Variants in LRRC69 observed in about 807,000 individuals in gnomAD.
The protein encoded by LRRC69 is leucine rich repeat containing 69, also known as leucine-rich repeat-containing protein 69.
Under a neutral mutation model 37.8 loss-of-function variants are expected in LRRC69, and 42 were observed. That is an observed-to-expected ratio of 1.11 (90% confidence interval 0.87 to 1.44). The LOEUF is 1.44. Ranked by LOEUF, LRRC69 falls within the 40% of genes most tolerant of loss-of-function variation. The pLI, the probability that LRRC69 is intolerant of heterozygous loss-of-function variation, is 0.00. For synonymous variants in LRRC69, 141 were observed against 143.1 expected (o/e 0.99, Z 0.11); for missense variants, 357 against 401.9 (o/e 0.89, Z 0.96).
chr8:91,195,681 G>A (rs1428676586), intron 6 of LRRC69, among the ~76,000 whole-genome samples: 1 of 152,034 alleles, frequency 6.6e-6, no homozygotes, highest in Non-Finnish European at 1.5e-5. Context: ...GCCTTTTTCT[G>A]TTTTCCATTT....
At chr8:91,117,559 C>CTT (rs35003763) in intron 1 of LRRC69, among the ~76,000 whole-genome samples, 1,731 of 115,074 alleles carry the variant, frequency 0.015, 22 homozygotes, top group African/African-American at 0.043. Flanking sequence ...ACAAGATCCA[C>CTT]TTTTTTTTTT....
At chr8:91,158,316 A>G (rs937277400) in intron 5 of LRRC69, 8 of 1,481,254 alleles carry the variant, frequency 5.4e-6, no homozygotes, top group Non-Finnish European at 6.6e-6. Context: ...AAGAAACTGG[A>G]ATTTACCCTT....
intron 5 of LRRC69, among the ~76,000 whole-genome samples, chr8:91,147,673 G>T (rs13279087): frequency 6.6e-6 from 1 of 151,614 alleles, no homozygotes; most frequent in Non-Finnish European, 1.5e-5. Flanking sequence ...AAAATCTTAC[G>T]AAGTTTTATA....
At chr8:91,211,911 T>C (rs1312231984) in intron 7 of LRRC69, among the ~76,000 whole-genome samples, 1 of 152,116 alleles carries the variant, frequency 6.6e-6, no homozygotes, top group Non-Finnish European at 1.5e-5. Flanking sequence ...TAATTGCTTC[T>C]ATTCAGGTGA....
intron 7 of LRRC69, among the ~76,000 whole-genome samples, chr8:91,212,237 CTAAA>C (rs771072832): frequency 2.0e-5 from 3 of 152,102 alleles, no homozygotes; most frequent in Admixed American, 6.5e-5. Flanking sequence ...TAGACCTAAC[CTAAA>C]TAGTCTCATA....
intron 5 of LRRC69, chr8:91,157,531 G>A (rs1808858530): frequency 2.0e-6 from 3 of 1,532,254 alleles, no homozygotes; most frequent in Non-Finnish European, 2.7e-6. Context: ...GTTTCCTATA[G>A]TATTTAATGA....
intron 5 of LRRC69, among the ~76,000 whole-genome samples, chr8:91,178,860 T>C (rs1010458771): frequency 6.6e-6 from 1 of 152,200 alleles, no homozygotes; most frequent in Non-Finnish European, 1.5e-5. Flanking sequence ...CAGGGGGCCA[T>C]GGCAGTTTCA....
intron 5 of LRRC69, among the ~76,000 whole-genome samples, chr8:91,177,205 GT>G (rs1809247584): frequency 6.6e-6 from 1 of 152,064 alleles, no homozygotes; most frequent in South Asian, 2.1e-4. Flanking sequence ...TGCTGCACAT[GT>G]TTATGTGTAT....
At chr8:91,112,279 T>C (rs1312052444) in intron 1 of LRRC69, among the ~76,000 whole-genome samples, 1 of 152,018 alleles carries the variant, frequency 6.6e-6, no homozygotes, top group African/African-American at 2.4e-5. Flanking sequence ...CTGCTCTGCA[T>C]GCACTTGCAC....
intron 7 of LRRC69, among the ~76,000 whole-genome samples, chr8:91,201,500 ATTATT>A (rs1809710604): frequency 7.9e-6 from 1 of 126,792 alleles, no homozygotes; most frequent in African/African-American, 3.1e-5. Flanking sequence ...ATCATGAAAT[ATTATT>A]TTATTTTGAT....
intron 4 of LRRC69, among the ~76,000 whole-genome samples, chr8:91,134,397 C>T (rs561649330): frequency 6.6e-6 from 1 of 151,666 alleles, no homozygotes; most frequent in East Asian, 2.0e-4. Context: ...TGGTGTAAAT[C>T]TTAGAGTCTA....
At chr8:91,106,434 A>C (rs1463384052) in intron 1 of LRRC69, among the ~76,000 whole-genome samples, 2 of 152,024 alleles carry the variant, frequency 1.3e-5, no homozygotes, top group African/African-American at 2.4e-5. Context: ...ACTACTTTTA[A>C]ATTTCTGTAC....
At chr8:91,138,793 C>G (rs2130524513) in intron 5 of LRRC69, 1 of 152,046 alleles carries the variant, frequency 6.6e-6, no homozygotes, top group Admixed American at 6.6e-5. Flanking sequence ...TGGCTCACGG[C>G]TGCAATCCCA....
intron 7 of LRRC69, among the ~76,000 whole-genome samples, chr8:91,210,562 GAC>G (rs35968986): frequency 0.013 from 1,876 of 146,080 alleles, 31 homozygotes; most frequent in African/African-American, 0.031. Context: ...CACACACACA[GAC>G]ACACACACAC....
chr8:91,151,578 A>G (rs1808738562), intron 5 of LRRC69, among the ~76,000 whole-genome samples: 1 of 151,550 alleles, frequency 6.6e-6, no homozygotes. Flanking sequence ...AGTCTTTGCT[A>G]TTGTGAATAG....
chr8:91,162,833 T>C (rs1808968994), intron 5 of LRRC69, among the ~76,000 whole-genome samples: 2 of 151,382 alleles, frequency 1.3e-5, no homozygotes, highest in Non-Finnish European at 3.0e-5. Context: ...TCTCCCTGTG[T>C]TTAGTTCTAG....
At chr8:91,183,434 G>A (rs1251791266) in intron 5 of LRRC69, among the ~76,000 whole-genome samples, 1 of 152,148 alleles carries the variant, frequency 6.6e-6, no homozygotes, top group Non-Finnish European at 1.5e-5. Context: ...GATGGAGTTA[G>A]TATGTTTTCT....
rs1377398683 is a variant in LRRC69, at chr8:91,157,914, A to G, written c.651+22175A>G. On this transcript the variant is annotated intron_variant, in intron 5 of 7. Coordinates refer to ENST00000448384, the Ensembl canonical transcript of LRRC69. ...TTTTACATAGGCTCAAAGTACAAGA[A>G]AGTTGTGTATCGGCAGTATACTGAT... The G allele has an allele frequency of 8.3e-6, 13 of 1,563,344 alleles. No homozygotes were observed. In the East Asian group the frequency reaches 2.7e-4, roughly 32 times the overall value.
At chr8:91,200,281 T>C (rs866249013) in intron 6 of LRRC69, among the ~76,000 whole-genome samples, 2 of 152,250 alleles carry the variant, frequency 1.3e-5, no homozygotes, top group Non-Finnish European at 2.9e-5. Context: ...GTACAGTTTT[T>C]GCTTATTGTA....
Sources: gnomAD v4.1 joint callset for allele counts (sites outside exome capture counted in the v4.1 genomes callset) on GRCh38, gnomAD v4.1.1 for gene constraint, MANE v1.5 for transcripts, NCBI Gene and HGNC (gene_info 2026-07-23, HGNC 2026-07-21) for gene names.